ZRANB1: variants seen among roughly 807,000 people sequenced by gnomAD.
ZRANB1 encodes ubiquitin thioesterase ZRANB1.
ZRANB1 carries 16 observed loss-of-function variants against 80.5 expected under a neutral mutation model. The ratio of observed to expected loss-of-function variants is 0.20; its 90% confidence interval spans 0.13 to 0.30. The LOEUF (loss-of-function observed/expected upper bound fraction) is 0.30. Among genes scored for constraint, ZRANB1 ranks in the 10% least tolerant of loss-of-function variants. The probability of loss-of-function intolerance (pLI) is 1.00; values close to 1 mark genes in which losing one functional copy is unlikely to be tolerated. For missense variants in ZRANB1, 576 were observed against 862.6 expected, an observed-to-expected ratio of 0.67 and a Z score of 4.16; for synonymous variants, 291 against 293.1, an observed-to-expected ratio of 0.99 and a Z score of 0.07.
chr10:124,978,152 C>A (rs1315239863), intron 5 of ZRANB1, among the ~76,000 whole-genome samples: 1 of 152,140 alleles, frequency 6.6e-6, no homozygotes, highest in Non-Finnish European at 1.5e-5. Context: ...TAAGGAATAA[C>A]CCATACATAG....
intron 1 of ZRANB1, among the ~76,000 whole-genome samples, chr10:124,949,768 C>T (rs935900792): frequency 6.6e-6 from 1 of 152,146 alleles, no homozygotes; most frequent in African/African-American, 2.4e-5. Context: ...AGTACTGGGA[C>T]TGCAGTTGTG....
chr10:124,939,810 A>G (rs1250793552), upstream of ZRANB1, among the ~76,000 whole-genome samples: 1 of 152,158 alleles, frequency 6.6e-6, no homozygotes, highest in African/African-American at 2.4e-5. Context: ...AAAGAGTATG[A>G]AAATTGCCAT....
intron 1 of ZRANB1, chr10:124,945,952 A>G (rs1436922834): frequency 1.3e-5 from 2 of 151,850 alleles, no homozygotes; most frequent in Non-Finnish European, 1.5e-5. Flanking sequence ...ACGCCTGGCA[A>G]ATTTTTGTAT....
At chr10:124,960,629 A>G (rs1455406144) in intron 1 of ZRANB1, among the ~76,000 whole-genome samples, 5 of 152,180 alleles carry the variant, frequency 3.3e-5, no homozygotes, top group Non-Finnish European at 7.3e-5. Flanking sequence ...CATCTTGCCC[A>G]GGCTGGTCTT....
At chr10:124,944,639 C>A (rs1951565056) in intron 1 of ZRANB1, among the ~76,000 whole-genome samples, 1 of 151,930 alleles carries the variant, frequency 6.6e-6, no homozygotes, top group South Asian at 2.1e-4. Context: ...TTAGCATGTA[C>A]CACTATGCCC....
At chr10:124,954,085 A>G (rs1951666483) in intron 1 of ZRANB1, among the ~76,000 whole-genome samples, 1 of 146,940 alleles carries the variant, frequency 6.8e-6, no homozygotes, top group African/African-American at 2.5e-5. Context: ...TCCCACTTTC[A>G]GCCTCCTGAG....
At chr10:124,979,776 C>T (rs1353551921) in intron 5 of ZRANB1, among the ~76,000 whole-genome samples, 1 of 152,128 alleles carries the variant, frequency 6.6e-6, no homozygotes, top group East Asian at 1.9e-4. Context: ...TTGAAAAAAA[C>T]CCTTTCTACA....
At chr10:124,952,353 A>C (rs1951646300) in intron 1 of ZRANB1, among the ~76,000 whole-genome samples, 1 of 152,162 alleles carries the variant, frequency 6.6e-6, no homozygotes, top group African/African-American at 2.4e-5. Flanking sequence ...AGAGAAGCGG[A>C]GGCTTGAGAG....
At chr10:124,969,100 C>T (rs776777717) in intron 2 of ZRANB1, among the ~76,000 whole-genome samples, 8 of 152,152 alleles carry the variant, frequency 5.3e-5, no homozygotes, top group Non-Finnish European at 1.0e-4. Context: ...GCCATGCAGG[C>T]CTGTCTACAG....
intron 5 of ZRANB1, among the ~76,000 whole-genome samples, chr10:124,979,085 T>C (rs1322159425): frequency 6.6e-6 from 1 of 152,152 alleles, no homozygotes; most frequent in African/African-American, 2.4e-5. Flanking sequence ...TAAATGGCCA[T>C]AACCAAAAAG....
upstream of ZRANB1, chr10:124,940,584 A>G: frequency 1.6e-6 from 2 of 1,250,266 alleles, no homozygotes; most frequent in Non-Finnish European, 2.1e-6. Flanking sequence ...TAAGTAGTAT[A>G]CTTTCTTATA....
chr10:124,937,904 A>G (rs1401598171), upstream of ZRANB1, among the ~76,000 whole-genome samples: 2 of 152,192 alleles, frequency 1.3e-5, no homozygotes, highest in Non-Finnish European at 2.9e-5. Context: ...ACCAAGGAAT[A>G]TTTGTCTTAA....
upstream of ZRANB1, among the ~76,000 whole-genome samples, chr10:124,941,625 T>C (rs913159109): frequency 3.9e-5 from 6 of 152,188 alleles, no homozygotes; most frequent in Non-Finnish European, 8.8e-5. Flanking sequence ...GCTGGGATTA[T>C]AGGCTTGAGC....
intron 3 of ZRANB1, among the ~76,000 whole-genome samples, chr10:124,973,434 G>A (rs1951844767): frequency 6.6e-6 from 1 of 152,218 alleles, no homozygotes; most frequent in South Asian, 2.1e-4. Context: ...TGGAATTATA[G>A]GCGTGAGCCA....
chr10:124,942,150 TC>T lies in ZRANB1; in HGVS notation c.-343del. 1 of 1,068,232 alleles carries T rather than the reference TC, an allele frequency of 9.4e-7. No homozygotes were observed. Among genetic ancestry groups the T allele is most frequent in the South Asian group, 3.3e-5 (1 of 30,368 alleles). The allele number at this position is 1,068,232 out of a possible 1,614,324, so 66.2% of individuals were successfully genotyped here. A position where few individuals can be genotyped will look rare whatever the true frequency, so the allele number is the denominator to read the frequency against. ...GATGGCCTCCCTGAAATTAAACATT[TC>T]TATTAGTGGCTTCCCGTTAATCTCA... On this transcript the variant is annotated 5_prime_UTR_variant, in exon 1 of 9. An upstream open reading frame in the 5' UTR gains an earlier in-frame stop. Transcript: ENST00000359653.
intron 1 of ZRANB1, among the ~76,000 whole-genome samples, chr10:124,966,339 C>T (rs1255353260): frequency 2.0e-5 from 3 of 151,762 alleles, no homozygotes; most frequent in Non-Finnish European, 2.9e-5. Flanking sequence ...CCTAATAGTT[C>T]CTCTAAATCT....
At chr10:124,953,764 C>G (rs1195648970) in intron 1 of ZRANB1, among the ~76,000 whole-genome samples, 1 of 152,110 alleles carries the variant, frequency 6.6e-6, no homozygotes, top group Non-Finnish European at 1.5e-5. Context: ...GTTGATAGCT[C>G]AGTTGCAGAT....
At chr10:124,953,059 G>T (rs887791043) in intron 1 of ZRANB1, among the ~76,000 whole-genome samples, 5 of 151,666 alleles carry the variant, frequency 3.3e-5, no homozygotes, top group Non-Finnish European at 7.4e-5. Context: ...CAAGTAGCTG[G>T]GATTACAGGT....
rs1433267517 is a variant in ZRANB1, at chr10:124,983,834, T to C, written c.1908+146T>C. Reference sequence around the variant, plus strand: ...ATTGCTGAAGGTACTAGCTATACTTTGAAATTTACCTTTTCAAAACTGCTG... The same window carrying C: ...ATTGCTGAAGGTACTAGCTATACTTCGAAATTTACCTTTTCAAAACTGCTG... On this transcript the variant is annotated intron_variant, in intron 8 of 8. Coordinates refer to ENST00000359653, the MANE Select transcript of ZRANB1 (RefSeq NM_017580.3). This position sits in a 1 kb window ranked among gnomAD's most constrained non-coding sequence, Gnocchi z 6.2. The C allele has an allele frequency of 6.1e-6, 4 of 652,268 alleles. No individual in the cohort carries two copies. The highest frequency in any genetic ancestry group is 2.6e-6 in the Non-Finnish European group (1 of 389,346). 40.4% of individuals were successfully genotyped at this position (652,268 alleles called of 1,614,324 possible).
Sources: gnomAD v4.1 joint callset for allele counts (sites outside exome capture counted in the v4.1 genomes callset) on GRCh38, gnomAD v4.1.1 for gene constraint, Gnocchi (gnomAD v3.1) non-coding constraint, MANE v1.5 for transcripts, NCBI Gene and HGNC (gene_info 2026-07-23, HGNC 2026-07-21) for gene names.